The following TOR1AIP2 variants were observed in gnomAD, a reference collection of about 807,000 sequenced individuals.
TOR1AIP2 encodes torsin 1A interacting protein 2.
A neutral mutation model predicts 32.6 loss-of-function variants in TOR1AIP2; 20 were observed. The ratio of observed to expected loss-of-function variants is 0.61; its 90% CI spans 0.43 to 0.89. The LOEUF (loss-of-function observed/expected upper bound fraction) is 0.89. TOR1AIP2 is among the 40% of genes least tolerant of loss of function. The pLI is 0.00. For missense variants in TOR1AIP2, 456 were observed against 553.8 expected (o/e 0.82, Z 1.77); for synonymous variants, 214 against 210.8 (o/e 1.02, Z -0.13).
At chr1:179,850,178 C>G (rs187759052) in intron 5 of TOR1AIP2, among the ~76,000 whole-genome samples, 1 of 151,826 alleles carries the variant, frequency 6.6e-6, no homozygotes, top group East Asian at 1.9e-4. Flanking sequence ...GAAATTGAAG[C>G]ACCAGGAAGG....
rs1558007837 is a variant in TOR1AIP2, at chr1:179,846,285, A to G, written c.1199T>C (p.Leu400Pro). The change falls in exon 7 of 7, where the codon CTA becomes CCA. Residue 400 changes from leucine to proline, a missense_variant. Leu to Pro is a moderately conservative substitution (Grantham distance 98). Transcript: ENST00000609928. Reference protein sequence around the residue: ...KDVALVLTVLLEEETLEASVG... With the variant: ...KDVALVLTVLPEEETLEASVG... ...ACTTGCTTCTAATGTTTCCTCCTCTAGCAGAACAGTCAGGACCAGGGCCAC... is the reference window on the plus strand; with the variant it reads ...ACTTGCTTCTAATGTTTCCTCCTCTGGCAGAACAGTCAGGACCAGGGCCAC... 3 of 1,614,050 alleles carry G rather than the reference A, an allele frequency of 1.9e-6. No individual in the cohort carries two copies. Among genetic ancestry groups the G allele is most frequent in the Admixed American group, 1.7e-5 (1 of 59,996 alleles).
chr1:179,840,591 G>A lies in TOR1AIP2; in HGVS notation c.*5480C>T, dbSNP rs1444379176. ...ACCTTTTTGCAGATTAGGGGATACT[G>A]ATTATGTTCTCAGGCCATTTGGATT... On this transcript the variant is annotated 3_prime_UTR_variant, in exon 7 of 7. Coordinates refer to ENST00000609928, the MANE Select transcript of TOR1AIP2 (RefSeq NM_001199260.2). The A allele has an allele frequency of 6.6e-6, 1 of 152,144 alleles. No individual in the cohort carries two copies. The highest frequency in any genetic ancestry group is 1.5e-5 in the Non-Finnish European group (1 of 68,038). 9.4% of individuals were successfully genotyped at this position (152,144 alleles called of 1,614,324 possible).
chr1:179,840,300 T>C lies in TOR1AIP2; in HGVS notation c.*5771A>G, dbSNP rs1199354327. The C allele has an allele frequency of 6.6e-6, 1 of 152,092 alleles. No individual in the cohort carries two copies. Among genetic ancestry groups the C allele is most frequent in the Non-Finnish European group, 1.5e-5 (1 of 68,040 alleles). 9.4% of individuals were successfully genotyped at this position (152,092 alleles called of 1,614,324 possible). A position where few individuals can be genotyped will look rare whatever the true frequency, so the allele number is the denominator to read the frequency against. On this transcript the variant is annotated 3_prime_UTR_variant, in exon 7 of 7. Transcript: ENST00000609928. ...TCAGGCCTAGAAGGAACACAGAGAG[T>C]AGGGCTGTGACTGCCGGGGGCTTGG...
chr1:179,849,119 G>C (rs1029747753), intron 5 of TOR1AIP2, among the ~76,000 whole-genome samples: 1 of 152,062 alleles, frequency 6.6e-6, no homozygotes, highest in African/African-American at 2.4e-5. Context: ...CTGGGCAAAA[G>C]AGTGAGACTC....
intron 2 of TOR1AIP2, among the ~76,000 whole-genome samples, chr1:179,872,862 TTCAAG>T (rs1483784047): frequency 6.6e-6 from 1 of 152,262 alleles, no homozygotes; most frequent in Non-Finnish European, 1.5e-5. Context: ...TAGTATCTAC[TTCAAG>T]TCAACATATT....
rs1695702449 is a variant in TOR1AIP2 at position 179,840,952 on chromosome 1, A to G, written c.*5119T>C. On this transcript the variant is annotated 3_prime_UTR_variant, in exon 7 of 7. Transcript: ENST00000609928. ...AGCACAGTTTATTAGCTAGAAATGA[A>G]TTTTAACAGCCCTGTCTCAGTCTGA... is the stretch of plus-strand genomic sequence containing the variant. 1 of 150,306 alleles carries G rather than the reference A, an allele frequency of 6.7e-6. No homozygotes were observed. The highest frequency in any genetic ancestry group is 2.5e-5 in the African/African-American group (1 of 40,112). The allele number at this position is 150,306 out of a possible 1,614,324, so 9.3% of individuals were successfully genotyped here. A position where few individuals can be genotyped will look rare whatever the true frequency, so the allele number is the denominator to read the frequency against.
Position 179,851,359 on chromosome 1 carries a change from A to T in TOR1AIP2, c.39T>A (p.Ser13=). 4 of 1,552,978 alleles carry T rather than the reference A, an allele frequency of 2.6e-6. No individual in the cohort carries two copies. The highest frequency in any genetic ancestry group is 3.5e-6 in the Non-Finnish European group (4 of 1,158,954). ...ATGGATCATTTTCCAAATCCTTTTG[A>T]GAGTCTATTGAGATAAAAGTTTATA... ...DSGLREPQED[S]QKDLENDPSV... Residue 13 remains serine (S), a synonymous_variant, in exon 5 of 7, where the codon TCT becomes TCA. Transcript: ENST00000609928.
intron 4 of TOR1AIP2, 67 bp from the exon 5 acceptor site, chr1:179,851,430 T>A: frequency 4.2e-6 from 5 of 1,193,982 alleles, no homozygotes; most frequent in Non-Finnish European, 5.6e-6. Context: ...TTTAACAAGG[T>A]CCCTGTTTAA....
chr1:179,866,593 C>T (rs1696786255), intron 2 of TOR1AIP2, among the ~76,000 whole-genome samples: 1 of 152,168 alleles, frequency 6.6e-6, no homozygotes, highest in East Asian at 1.9e-4. Context: ...TTAGTAGAGA[C>T]GGGCTTTCTC....
chr1:179,856,628 T>G (rs367970185), intron 3 of TOR1AIP2, among the ~76,000 whole-genome samples: 33 of 147,766 alleles, frequency 2.2e-4, no homozygotes, highest in African/African-American at 8.0e-4. Flanking sequence ...AATCTTTTTT[T>G]CCCCCCCAAG....
At position 179,850,842 on chromosome 1, in the gene TOR1AIP2, T is replaced by C. The variant is rs774666160; in HGVS notation, c.553+3A>G. On this transcript the variant is annotated splice_donor_region_variant and intron_variant, in intron 5 of 6. Transcript: ENST00000609928. The stretch of plus-strand genomic sequence containing the variant: ...AGGAGAGTAGTTCAGGGGGTTCTCT[T>C]ACCTGGGGCCAGCAGTCGCCTCCTC... 12 of 1,611,962 alleles carry C rather than the reference T, an allele frequency of 7.4e-6. No homozygotes were observed. The highest frequency in any genetic ancestry group is 2.7e-5 in the African/African-American group (2 of 74,888).
chr1:179,865,413 TTATAA>T lies in TOR1AIP2; in HGVS notation c.-147+18_-147+22del. ...CTCTGAACTCAGGGACCGATCCAGT[TTATAA>T]TGTTATCAGTCACTTACTAGCAGTA... On this transcript the variant is annotated intron_variant, in intron 3 of 6. Coordinates refer to ENST00000609928, the MANE Select transcript of TOR1AIP2 (RefSeq NM_001199260.2). The T allele has an allele frequency of 1.9e-6, 1 of 525,674 alleles. No homozygotes were observed. The highest frequency in any genetic ancestry group is 3.0e-5 in the South Asian group (1 of 33,038). 32.6% of individuals were successfully genotyped at this position (525,674 alleles called of 1,614,324 possible).
chr1:179,870,671 A>C (rs1696980276), intron 2 of TOR1AIP2, among the ~76,000 whole-genome samples: 1 of 152,200 alleles, frequency 6.6e-6, no homozygotes, highest in Admixed American at 6.5e-5. Flanking sequence ...AGTTCTAATA[A>C]AACAAAAAAC....
intron 2 of TOR1AIP2, chr1:179,868,804 TTACA>T (rs1220388319): frequency 6.6e-6 from 1 of 152,204 alleles, no homozygotes; most frequent in East Asian, 1.9e-4. Flanking sequence ...AACTTTCCAC[TTACA>T]TAAAGTTTCA....
chr1:179,868,139 C>T (rs1160491647), intron 2 of TOR1AIP2: 12 of 152,214 alleles, frequency 7.9e-5, no homozygotes, highest in Admixed American at 7.9e-4. Context: ...ATACCTATAT[C>T]TCTGTTCATG....
intron 6 of TOR1AIP2, 108 bp from the exon 7 acceptor site, chr1:179,846,936 G>A (rs1171456591): frequency 3.3e-6 from 4 of 1,205,306 alleles, no homozygotes; most frequent in Non-Finnish European, 2.2e-6. Flanking sequence ...TTTACTAGGA[G>A]CAATAAGTTT....
intron 5 of TOR1AIP2, 128 bp downstream of exon 5, chr1:179,850,717 A>G: frequency 8.6e-7 from 1 of 1,162,688 alleles, no homozygotes; most frequent in Non-Finnish European, 1.2e-6. Context: ...GAGCTTGGGC[A>G]AGGCCCAAAG....
rs1463442306 is a variant in TOR1AIP2 at position 179,843,166 on chromosome 1, T to C, written c.*2905A>G. 9 of 152,084 alleles carry C rather than the reference T, an allele frequency of 5.9e-5. No homozygotes were observed. The highest frequency in any genetic ancestry group is 5.9e-4 in the Admixed American group (9 of 15,254). 9.4% of individuals were successfully genotyped at this position (152,084 alleles called of 1,614,324 possible). A position where few individuals can be genotyped will look rare whatever the true frequency, so the allele number is the denominator to read the frequency against. ...ATGGTCTTATGTTTAAAAATAGTCA[T>C]TTTAGTCATGAGAAGACCCAGAGCT... On this transcript the variant is annotated 3_prime_UTR_variant, in exon 7 of 7. Transcript: ENST00000609928.
rs774438638 is a variant in TOR1AIP2, at chr1:179,846,437, C to T, written c.1047G>A (p.Leu349=). The T allele has an allele frequency of 6.2e-7, 1 of 1,614,194 alleles. No homozygotes were observed. The highest frequency in any genetic ancestry group is 1.1e-5 in the South Asian group (1 of 91,078). Residue 349 remains leucine, a synonymous_variant, in exon 7 of 7, where the codon CTG becomes CTA. Transcript: ENST00000609928. ...DSDTVKLLVD[L]ELSYGFENGQ... Reference sequence around the variant, plus strand: ...CATTCTCAAACCCATAGCTCAGCTCCAGGTCAACCAACAGCTTGACCGTGT... The same window carrying T: ...CATTCTCAAACCCATAGCTCAGCTCTAGGTCAACCAACAGCTTGACCGTGT...
Sources: allele counts gnomAD v4.1 joint callset (sites outside exome capture counted in the v4.1 genomes callset), GRCh38; gene constraint gnomAD v4.1.1; transcripts MANE v1.5; gene names NCBI Gene and HGNC (gene_info 2026-07-23, HGNC 2026-07-21).